The following MYO1D variants were observed in gnomAD, a reference collection of about 807,000 sequenced individuals.
The protein encoded by MYO1D is myosin ID.
MYO1D carries 83 observed loss-of-function variants against 122.0 expected under a neutral mutation model. That is an observed-to-expected ratio of 0.68 (90% CI 0.57 to 0.82). The LOEUF is 0.82. Among genes scored for constraint, MYO1D ranks in the 40% least tolerant of loss-of-function variants. The pLI is 0.00. For missense variants in MYO1D, 1,157 were observed against 1,269.5 expected (o/e 0.91, Z 1.35); for synonymous variants, 464 against 446.9 (o/e 1.04, Z -0.48).
Position 32,703,643 on chromosome 17 carries a change from T to A in MYO1D, c.2121+8345A>T, listed in dbSNP as rs117168619. ...TGAGAACATAACTATAAACTATATA[T>A]CTACCAAAAAAGAAAGGAAGTTTTT... On this transcript the variant is annotated intron_variant, in intron 16 of 21. Coordinates refer to ENST00000318217, the MANE Select transcript of MYO1D (RefSeq NM_015194.3). Among the ~76,000 whole-genome samples, 800 of 152,092 alleles carry A rather than the reference T, an allele frequency of 5.3e-3. 2 individuals carry two copies. Among genetic ancestry groups the A allele is most frequent in the Middle Eastern group, 0.027 (8 of 294 alleles).
At chr17:32,744,524 A>T (rs1329749659) in intron 13 of MYO1D, among the ~76,000 whole-genome samples, 1 of 152,240 alleles carries the variant, frequency 6.6e-6, no homozygotes, top group African/African-American at 2.4e-5. Flanking sequence ...CATAGAAGAA[A>T]GTGTGCCTCA....
intron 21 of MYO1D, among the ~76,000 whole-genome samples, chr17:32,501,695 A>G (rs1187466791): frequency 6.6e-6 from 1 of 152,234 alleles, no homozygotes; most frequent in East Asian, 1.9e-4. Flanking sequence ...GCGAGGACAG[A>G]CGAGCCTCTG....
chr17:32,565,786 G>A (rs183309979), intron 21 of MYO1D, among the ~76,000 whole-genome samples: 65 of 151,956 alleles, frequency 4.3e-4, no homozygotes, highest in Admixed American at 3.5e-3. Context: ...GTGCAGTGGC[G>A]AGATCTTGCC....
intron 1 of MYO1D, among the ~76,000 whole-genome samples, chr17:32,870,130 G>A (rs2091166206): frequency 6.6e-6 from 1 of 152,144 alleles, no homozygotes; most frequent in African/African-American, 2.4e-5. Context: ...AAACCAGGCG[G>A]CAGGGTGATT....
At chr17:32,621,528 T>C (rs921682643) in intron 20 of MYO1D, among the ~76,000 whole-genome samples, 1 of 151,994 alleles carries the variant, frequency 6.6e-6, no homozygotes, top group African/African-American at 2.4e-5. Flanking sequence ...ATTAAAAAGG[T>C]TCTCCTAGCT....
chr17:32,847,898 A>G (rs4522455), intron 1 of MYO1D, among the ~76,000 whole-genome samples: 53,915 of 152,086 alleles, frequency 0.35, 10,975 homozygotes, highest in East Asian at 0.53. Context: ...AACAGTACCT[A>G]TACAGTAGAA....
At chr17:32,716,064 A>G (rs1321526086) in intron 15 of MYO1D, among the ~76,000 whole-genome samples, 1 of 152,206 alleles carries the variant, frequency 6.6e-6, no homozygotes. Flanking sequence ...AAAAAGCTTG[A>G]AATCATTTTT....
At position 32,803,388 on chromosome 17, in the gene MYO1D, T is replaced by C. The variant is rs536881967; in HGVS notation, c.96-22604A>G. On this transcript the variant is annotated intron_variant, in intron 1 of 21. Transcript: ENST00000318217. Reference sequence around the variant, plus strand: ...GTCTCGATCTCCTGACCTCCTGATCTGCCCGCCTCGTCCTCCCAAAGTGCT... The same window carrying C: ...GTCTCGATCTCCTGACCTCCTGATCCGCCCGCCTCGTCCTCCCAAAGTGCT... Among the ~76,000 whole-genome samples, 10 of 152,226 alleles carry C rather than the reference T, an allele frequency of 6.6e-5. No individual in the cohort carries two copies. The East Asian group carries it at 1.9e-3, about 29-fold the overall frequency.
chr17:32,549,523 C>G (rs1043852743), intron 21 of MYO1D, among the ~76,000 whole-genome samples: 1 of 152,202 alleles, frequency 6.6e-6, no homozygotes, highest in Non-Finnish European at 1.5e-5. Flanking sequence ...TTACGAAGCT[C>G]TGTTTTCCGT....
chr17:32,815,347 T>G (rs1288664645), intron 1 of MYO1D, among the ~76,000 whole-genome samples: 1 of 152,220 alleles, frequency 6.6e-6, no homozygotes, highest in Non-Finnish European at 1.5e-5. Flanking sequence ...AGTTGCCCAT[T>G]TCAACCTGGA....
intron 21 of MYO1D, among the ~76,000 whole-genome samples, chr17:32,572,940 C>A (rs896294302): frequency 1.3e-5 from 2 of 152,114 alleles, no homozygotes; most frequent in Admixed American, 6.5e-5. Context: ...GTCTTCACAG[C>A]ACTCCAGACA....
At chr17:32,550,393 A>G (rs560815234) in intron 21 of MYO1D, among the ~76,000 whole-genome samples, 43 of 152,302 alleles carry the variant, frequency 2.8e-4, no homozygotes, top group African/African-American at 1.0e-3. Context: ...AGCCTGAGCT[A>G]TGCTTTGTTA....
At chr17:32,640,936 A>G (rs913308335) in intron 19 of MYO1D, among the ~76,000 whole-genome samples, 13 of 151,500 alleles carry the variant, frequency 8.6e-5, no homozygotes, top group Non-Finnish European at 1.9e-4. Context: ...TTTTTTATAT[A>G]TAGATTTTTA....
chr17:32,511,997 C>A (rs544460183), intron 21 of MYO1D, among the ~76,000 whole-genome samples: 2 of 152,176 alleles, frequency 1.3e-5, no homozygotes, highest in Admixed American at 6.5e-5. Flanking sequence ...ACACTGGGGA[C>A]ATATATATTA....
chr17:32,718,557 TG>T (rs1248873241), intron 15 of MYO1D, among the ~76,000 whole-genome samples: 1 of 151,966 alleles, frequency 6.6e-6, no homozygotes, highest in African/African-American at 2.4e-5. Context: ...AAAAATTAGC[TG>T]GGTGTGGTGA....
chr17:32,521,911 G>A (rs1002725356), intron 21 of MYO1D, among the ~76,000 whole-genome samples: 5 of 151,966 alleles, frequency 3.3e-5, no homozygotes, highest in African/African-American at 9.7e-5. Context: ...GTGAAACCCT[G>A]TCTCTACCAA....
chr17:32,686,537 T>A (rs1034280781), intron 16 of MYO1D: 2 of 152,216 alleles, frequency 1.3e-5, no homozygotes, highest in African/African-American at 4.8e-5. Context: ...GCAGGTGGTC[T>A]GTCATGTAAC....
chr17:32,844,353 GTATA>G (rs1010674290), intron 1 of MYO1D, among the ~76,000 whole-genome samples: 1 of 144,768 alleles, frequency 6.9e-6, no homozygotes, highest in African/African-American at 2.5e-5. Context: ...TATTATATGT[GTATA>G]TATATTATAT....
chr17:32,514,876 G>A (rs897639604), intron 21 of MYO1D, among the ~76,000 whole-genome samples: 1 of 152,236 alleles, frequency 6.6e-6, no homozygotes, highest in Non-Finnish European at 1.5e-5. Context: ...AGGAGACAAT[G>A]GAGGCATAGT....
Sources: gnomAD v4.1 joint callset for allele counts (sites outside exome capture counted in the v4.1 genomes callset) on GRCh38, gnomAD v4.1.1 for gene constraint, MANE v1.5 for transcripts, NCBI Gene and HGNC (gene_info 2026-07-23, HGNC 2026-07-21) for gene names.